Variants in KIRREL3 observed in about 807,000 individuals in gnomAD.
KIRREL3 encodes the protein kirre like nephrin family adhesion molecule 3.
Under a neutral mutation model 89.7 loss-of-function variants are expected in KIRREL3, and 36 were observed. The ratio of observed to expected loss-of-function variants is 0.40; its 90% CI spans 0.31 to 0.53. The LOEUF is 0.53. Among genes scored for constraint, KIRREL3 ranks in the 20% least tolerant of loss-of-function variants. The pLI, the probability that KIRREL3 is intolerant of heterozygous loss-of-function variation, is 0.49. For synonymous variants in KIRREL3, 445 were observed against 441.4 expected (o/e 1.01, Z -0.10); for missense variants, 864 against 1,056.6 (o/e 0.82, Z 2.53).
At chr11:126,743,300 T>A (rs1314793284) in intron 1 of KIRREL3, among the ~76,000 whole-genome samples, 1 of 152,208 alleles carries the variant, frequency 6.6e-6, no homozygotes, top group Admixed American at 6.5e-5. Context: ...ACTAGCTTCA[T>A]GTTAGTCTAT....
intron 6 of KIRREL3, among the ~76,000 whole-genome samples, chr11:126,458,229 CT>C (rs1426416967): frequency 1.3e-5 from 2 of 152,196 alleles, no homozygotes; most frequent in East Asian, 3.9e-4. Flanking sequence ...ACGAGGACTT[CT>C]AGGGGTCCAG....
In KIRREL3 at chr11:126,876,742, G is replaced by A. The variant is rs1945302113; in HGVS notation, c.55+123713C>T. ...TTTAGTAGAGATGGGGTTTCACCAT[G>A]TTGGCCAGGCTGGTTTTGAACTCAT... On this transcript the variant is annotated intron_variant, in intron 1 of 16. Coordinates refer to ENST00000525144, the MANE Select transcript of KIRREL3 (RefSeq NM_032531.4). This position sits in a 1 kb window ranked among gnomAD's most constrained non-coding sequence, Gnocchi z 4.1. Among the ~76,000 whole-genome samples the A allele has an allele frequency of 6.6e-6, 1 of 152,038 alleles. No individual in the cohort carries two copies. The highest frequency in any genetic ancestry group is 2.1e-4 in the South Asian group (1 of 4,820).
At chr11:126,893,661 C>T (rs1024234181) in intron 1 of KIRREL3, among the ~76,000 whole-genome samples, 4 of 152,338 alleles carry the variant, frequency 2.6e-5, no homozygotes, top group East Asian at 3.9e-4. Flanking sequence ...TTAGAAGCTC[C>T]GCATCCACCC....
In KIRREL3 at chr11:126,520,341, C is replaced by T. The variant is rs926628391; in HGVS notation, c.433+974G>A. ...CACAGACTCACGTGTAAGGGGGCAG[C>T]GAGGTGGGGCAGGTAGCCCTGGAGC... On this transcript the variant is annotated intron_variant, in intron 4 of 16. Coordinates refer to ENST00000525144, the MANE Select transcript of KIRREL3 (RefSeq NM_032531.4). This position sits in a 1 kb window ranked among gnomAD's most constrained non-coding sequence, Gnocchi z 4.9. Among the ~76,000 whole-genome samples the T allele has an allele frequency of 1.3e-5, 2 of 152,086 alleles. No homozygotes were observed. The highest frequency in any genetic ancestry group is 2.9e-5 in the Non-Finnish European group (2 of 68,016).
chr11:126,978,676 C>T lies in KIRREL3; in HGVS notation c.55+21779G>A, dbSNP rs539737833. Among the ~76,000 whole-genome samples, 1 of 152,298 alleles carries T rather than the reference C, an allele frequency of 6.6e-6. No homozygotes were observed. Among genetic ancestry groups the T allele is most frequent in the Non-Finnish European group, 1.5e-5 (1 of 68,026 alleles). ...CTCCCTCTTCTCCTCATCCCGCTCT[C>T]TGCCCATTTTCTTAGCTAATGTCCA... On this transcript the variant is annotated intron_variant, in intron 1 of 16. Transcript: ENST00000525144. This position sits in a 1 kb window ranked among gnomAD's most constrained non-coding sequence, Gnocchi z 4.2.
chr11:126,440,925 AG>A (rs1484873916), intron 10 of KIRREL3: 5 of 283,648 alleles, frequency 1.8e-5, no homozygotes, highest in East Asian at 8.9e-5. Context: ...AAGCCTGCAG[AG>A]GGGGTGGGGA....
intron 1 of KIRREL3, among the ~76,000 whole-genome samples, chr11:126,938,856 A>T (rs542663966): frequency 5.2e-4 from 79 of 152,196 alleles, no homozygotes; most frequent in African/African-American, 1.8e-3. Context: ...GCTTTCTTCC[A>T]GAGAGTGGGT....
intron 1 of KIRREL3, among the ~76,000 whole-genome samples, chr11:126,597,235 C>G (rs1942440130): frequency 6.6e-6 from 1 of 152,214 alleles, no homozygotes; most frequent in South Asian, 2.1e-4. Context: ...GTCCTGGAGC[C>G]TGGGCCAGAG....
intron 1 of KIRREL3, among the ~76,000 whole-genome samples, chr11:126,745,855 A>G (rs1949131502): frequency 6.6e-6 from 1 of 152,222 alleles, no homozygotes; most frequent in African/African-American, 2.4e-5. Context: ...TCCAGAGGCC[A>G]GGCTTGGTGT....
intron 4 of KIRREL3, among the ~76,000 whole-genome samples, chr11:126,507,806 A>T (rs1183382429): frequency 1.3e-5 from 2 of 152,228 alleles, no homozygotes; most frequent in Admixed American, 1.3e-4. Flanking sequence ...TTTTGGGCTG[A>T]ACCTGGACGT....
At chr11:126,602,542 C>T (rs1942707108) in intron 1 of KIRREL3, among the ~76,000 whole-genome samples, 1 of 152,220 alleles carries the variant, frequency 6.6e-6, no homozygotes, top group Admixed American at 6.5e-5. Flanking sequence ...AAGTGCTCTG[C>T]CTGAGGTCAC....
chr11:126,584,849 G>A (rs1051923785), intron 1 of KIRREL3, among the ~76,000 whole-genome samples: 3 of 152,136 alleles, frequency 2.0e-5, no homozygotes, highest in African/African-American at 7.2e-5. Flanking sequence ...TCAGACAACT[G>A]TGGCTTCATC....
chr11:126,545,142 A>G (rs868100827), intron 2 of KIRREL3, among the ~76,000 whole-genome samples: 16 of 152,198 alleles, frequency 1.1e-4, no homozygotes, highest in African/African-American at 3.1e-4. Context: ...ATTGGAAGCC[A>G]AGAGCAGAAC....
At position 126,906,540 on chromosome 11, in the gene KIRREL3, G is replaced by A. The variant is rs1313468473; in HGVS notation, c.55+93915C>T. 6.6e-6 allele frequency among the ~76,000 whole-genome samples: 1 copy of A among 152,156 alleles called. No homozygotes were observed. The highest frequency in any genetic ancestry group is 2.4e-5 in the African/African-American group (1 of 41,444). ...ACTTTAATCTCCCTCCAGCAGAGAA[G>A]TGGATAGGGACCCCCCTGCCATGAA... On this transcript the variant is annotated intron_variant, in intron 1 of 16. Coordinates refer to ENST00000525144, the MANE Select transcript of KIRREL3 (RefSeq NM_032531.4). This position sits in a 1 kb window ranked among gnomAD's most constrained non-coding sequence, Gnocchi z 4.1.
rs1000254 is a variant in KIRREL3 at position 126,490,697 on chromosome 11, C to T, written c.434-17231G>A. 0.11 allele frequency among the ~76,000 whole-genome samples: 17,290 copies of T among 152,214 alleles called. 1,636 individuals carry two copies. Among genetic ancestry groups the T allele is most frequent in the East Asian group, 0.48 (2,462 of 5,172 alleles). ...AAGTTCCATGGGATGGCATTTGTGACGTCCCCAGAACAGGGCTCAGTGAAT... is the reference window on the plus strand; with the variant it reads ...AAGTTCCATGGGATGGCATTTGTGATGTCCCCAGAACAGGGCTCAGTGAAT... On this transcript the variant is annotated intron_variant, in intron 4 of 16. Transcript: ENST00000525144. The surrounding 1 kb of genome is among the most constrained non-coding windows in gnomAD (Gnocchi z 4.2).
intron 1 of KIRREL3, among the ~76,000 whole-genome samples, chr11:126,911,546 G>T (rs1419464486): frequency 1.3e-5 from 2 of 152,126 alleles, no homozygotes; most frequent in Non-Finnish European, 2.9e-5. Context: ...TTTCTGCTGT[G>T]CCCCTCCTCT....
chr11:126,911,060 G>A (rs1946796393), intron 1 of KIRREL3, among the ~76,000 whole-genome samples: 3 of 152,174 alleles, frequency 2.0e-5, no homozygotes, highest in Admixed American at 6.5e-5. Flanking sequence ...AAGTCACCAT[G>A]AACAGAAAGG....
intron 1 of KIRREL3, among the ~76,000 whole-genome samples, chr11:126,794,312 CAG>C (rs775741455): frequency 2.0e-5 from 3 of 152,160 alleles, no homozygotes; most frequent in Non-Finnish European, 4.4e-5. Context: ...GTTCCCTGCA[CAG>C]TATTTTCTGC....
At position 126,883,779 on chromosome 11, in the gene KIRREL3, A is replaced by G. The variant is rs1347433972; in HGVS notation, c.55+116676T>C. On this transcript the variant is annotated intron_variant, in intron 1 of 16. Coordinates refer to ENST00000525144, the MANE Select transcript of KIRREL3 (RefSeq NM_032531.4). The surrounding 1 kb of genome is among the most constrained non-coding windows in gnomAD (Gnocchi z 4.1). ...GGATTTTCTAAAAGCTACTAAAAAA[A>G]TGCTTGTTTGAAATTAAAGATCCAA... 1.3e-5 allele frequency among the ~76,000 whole-genome samples: 2 copies of G among 152,198 alleles called. No individual in the cohort carries two copies. Among genetic ancestry groups the G allele is most frequent in the African/African-American group, 4.8e-5 (2 of 41,456 alleles).
Sources: gnomAD v4.1 joint callset for allele counts (sites outside exome capture counted in the v4.1 genomes callset) on GRCh38, gnomAD v4.1.1 for gene constraint, Gnocchi (gnomAD v3.1) non-coding constraint, MANE v1.5 for transcripts, NCBI Gene and HGNC (gene_info 2026-07-23, HGNC 2026-07-21) for gene names.